AKR1C8: variants seen among roughly 807,000 people sequenced by gnomAD.
The protein encoded by AKR1C8 is aldo-keto reductase family 1 member C-like protein 1.
At chr10:5,182,110 A>G in the AKR1C8 span, among the ~76,000 whole-genome samples, 2 of 152,184 alleles carry the variant, frequency 1.3e-5, no homozygotes, top group Non-Finnish European at 2.9e-5. Context: ...ATTGAATAAC[A>G]TACACTTCTG....
the AKR1C8 span, among the ~76,000 whole-genome samples, chr10:5,116,401 T>C: frequency 6.6e-6 from 1 of 152,126 alleles, no homozygotes; most frequent in Non-Finnish European, 1.5e-5. Flanking sequence ...AAAAATTTTG[T>C]TAGTGGATCA....
At chr10:5,160,492 T>G in the AKR1C8 span, among the ~76,000 whole-genome samples, 7 of 152,198 alleles carry the variant, frequency 4.6e-5, no homozygotes, top group Non-Finnish European at 1.0e-4. Context: ...CTCCATGATG[T>G]GTTTCTATCC....
At chr10:5,142,622 G>C in the AKR1C8 span, among the ~76,000 whole-genome samples, 1 of 152,052 alleles carries the variant, frequency 6.6e-6, no homozygotes, top group African/African-American at 2.4e-5. Flanking sequence ...CTGAACAGAG[G>C]GAAAGAGATA....
chr10:5,179,015 G>T, the AKR1C8 span, among the ~76,000 whole-genome samples: 1 of 152,088 alleles, frequency 6.6e-6, no homozygotes, highest in Non-Finnish European at 1.5e-5. Flanking sequence ...ATTTGATCCT[G>T]TCATTATGAT....
chr10:5,163,756 C>A, the AKR1C8 span, among the ~76,000 whole-genome samples: 88 of 152,290 alleles, frequency 5.8e-4, 1 homozygote, highest in African/African-American at 2.1e-3. Flanking sequence ...AAGACAAAGG[C>A]CCAACATAAA....
chr10:5,152,183 G>T, the AKR1C8 span, among the ~76,000 whole-genome samples: 1 of 152,174 alleles, frequency 6.6e-6, no homozygotes, highest in Non-Finnish European at 1.5e-5. Context: ...AGCCCACAAA[G>T]AATTTGGGAT....
At chr10:5,149,657 C>T in the AKR1C8 span, among the ~76,000 whole-genome samples, 1 of 152,090 alleles carries the variant, frequency 6.6e-6, no homozygotes. Flanking sequence ...TTCCAAGGCA[C>T]TTTTATTGGC....
the AKR1C8 span, among the ~76,000 whole-genome samples, chr10:5,152,120 G>A: frequency 6.6e-6 from 1 of 152,144 alleles, no homozygotes; most frequent in Non-Finnish European, 1.5e-5. Flanking sequence ...GATAAAGAGT[G>A]CAATTTCCAG....
At chr10:5,140,946 C>T in the AKR1C8 span, among the ~76,000 whole-genome samples, 1 of 152,112 alleles carries the variant, frequency 6.6e-6, no homozygotes, top group Non-Finnish European at 1.5e-5. Flanking sequence ...AAATAAAATA[C>T]AACAATGAAA....
At chr10:5,157,622 G>A in the AKR1C8 span, 3 of 469,836 alleles carry the variant, frequency 6.4e-6, no homozygotes, top group African/African-American at 2.0e-5. Context: ...GAGCGACTCT[G>A]CTCAACCTTT....
chr10:5,167,521 A>T, the AKR1C8 span, among the ~76,000 whole-genome samples: 1 of 152,224 alleles, frequency 6.6e-6, no homozygotes, highest in Non-Finnish European at 1.5e-5. Flanking sequence ...ATTCTCAGCA[A>T]ACTATCGCAA....
the AKR1C8 span, among the ~76,000 whole-genome samples, chr10:5,137,368 G>C: frequency 6.6e-6 from 1 of 151,976 alleles, no homozygotes; most frequent in Non-Finnish European, 1.5e-5. Flanking sequence ...CTGGCAAACC[G>C]AATCCAGCAG....
At chr10:5,150,966 C>G in the AKR1C8 span, among the ~76,000 whole-genome samples, 3 of 152,046 alleles carry the variant, frequency 2.0e-5, no homozygotes, top group African/African-American at 7.3e-5. Context: ...AATCAGTCTC[C>G]CTGAAGACTC....
chr10:5,144,508 A>G, the AKR1C8 span, among the ~76,000 whole-genome samples: 27 of 151,512 alleles, frequency 1.8e-4, no homozygotes, highest in African/African-American at 6.5e-4. Flanking sequence ...ACCCATGAGC[A>G]TGGAATGTTC....
chr10:5,154,474 T>C, the AKR1C8 span: 6 of 276,840 alleles, frequency 2.2e-5, no homozygotes, highest in Non-Finnish European at 3.6e-5. Flanking sequence ...TTTGTTCTTT[T>C]TAATTGGGTG....
chr10:5,147,548 A>T, the AKR1C8 span, among the ~76,000 whole-genome samples: 1 of 152,036 alleles, frequency 6.6e-6, no homozygotes, highest in African/African-American at 2.4e-5. Flanking sequence ...AAAAAAAAAA[A>T]TGGTGTGGGT....
the AKR1C8 span, among the ~76,000 whole-genome samples, chr10:5,138,997 C>A: frequency 1.2e-4 from 18 of 152,152 alleles, no homozygotes; most frequent in Non-Finnish European, 2.2e-4. Context: ...AAATCACAAG[C>A]ATTCCTATAC....
the AKR1C8 span, chr10:5,132,677 C>T: frequency 1.9e-6 from 3 of 1,592,326 alleles, no homozygotes; most frequent in African/African-American, 2.7e-5. Context: ...GTCCAACCTG[C>T]TCCTCATTAT....
the AKR1C8 span, chr10:5,123,703 C>G: frequency 6.2e-7 from 1 of 1,601,504 alleles, no homozygotes. Context: ...TCCTGATGCT[C>G]TTATTACCAT....
Sources: allele counts gnomAD v4.1 joint callset (sites outside exome capture counted in the v4.1 genomes callset), GRCh38; gene constraint gnomAD v4.1.1; transcripts MANE v1.5; gene names NCBI Gene and HGNC (gene_info 2026-07-23, HGNC 2026-07-21).